Variants in ROBO1 observed in about 807,000 individuals in gnomAD.
ROBO1 encodes roundabout guidance receptor 1, also known as roundabout homolog 1.
A neutral mutation model predicts 195.9 loss-of-function variants in ROBO1; 149 were observed. The ratio of observed to expected loss-of-function variants is 0.76; its 90% confidence interval spans 0.67 to 0.87. The LOEUF is 0.87. Among genes scored for constraint, ROBO1 ranks in the 40% least tolerant of loss-of-function variants. The probability of loss-of-function intolerance (pLI) is 0.00; values close to 1 mark genes in which losing one functional copy is unlikely to be tolerated. For missense variants in ROBO1, 1,933 were observed against 2,068.3 expected (o/e 0.93, Z 1.27); for synonymous variants, 816 against 733.2 (o/e 1.11, Z -1.82).
At chr3:79,069,046 T>TTTAC (rs2079046612) in intron 3 of ROBO1, among the ~76,000 whole-genome samples, 2 of 151,982 alleles carry the variant, frequency 1.3e-5, no homozygotes, top group Admixed American at 1.3e-4. Flanking sequence ...AAGACCAATG[T>TTTAC]TTACTTTTTG....
intron 3 of ROBO1, among the ~76,000 whole-genome samples, chr3:78,995,525 T>C (rs989373489): frequency 6.6e-6 from 1 of 152,036 alleles, no homozygotes; most frequent in African/African-American, 2.4e-5. Context: ...ATCGGGAGCA[T>C]GTTGGGTAAT....
intron 3 of ROBO1, among the ~76,000 whole-genome samples, chr3:78,950,678 G>A (rs755231589): frequency 6.8e-5 from 10 of 147,584 alleles, no homozygotes; most frequent in Non-Finnish European, 7.4e-5. Flanking sequence ...TAAAATAAAT[G>A]TAATATTAAA....
chr3:79,184,272 C>T (rs1395453521), intron 2 of ROBO1, among the ~76,000 whole-genome samples: 1 of 152,150 alleles, frequency 6.6e-6, no homozygotes, highest in Non-Finnish European at 1.5e-5. Flanking sequence ...TTTGTTCCCT[C>T]AATCGGGCCT....
intron 3 of ROBO1, among the ~76,000 whole-genome samples, chr3:79,098,618 C>T (rs2079614770): frequency 6.6e-6 from 1 of 151,682 alleles, no homozygotes; most frequent in South Asian, 2.1e-4. Flanking sequence ...TGTAGCATGA[C>T]TATATATAAG....
chr3:79,745,814 A>G (rs1703849766), intron 1 of ROBO1, among the ~76,000 whole-genome samples: 1 of 152,114 alleles, frequency 6.6e-6, no homozygotes, highest in Non-Finnish European at 1.5e-5. Context: ...TATGTATACA[A>G]TTGGCTTAAG....
chr3:79,082,568 C>A (rs1005326954), intron 3 of ROBO1, among the ~76,000 whole-genome samples: 1 of 151,926 alleles, frequency 6.6e-6, no homozygotes, highest in Non-Finnish European at 1.5e-5. Flanking sequence ...ATAGAAGAGA[C>A]CAAATGTAGA....
chr3:78,725,389 T>C (rs931717399), intron 5 of ROBO1, among the ~76,000 whole-genome samples: 1 of 152,168 alleles, frequency 6.6e-6, no homozygotes, highest in African/African-American at 2.4e-5. Flanking sequence ...AAAAATGTTT[T>C]AGAGATGTCA....
At chr3:79,559,943 A>T (rs1197884635) in intron 2 of ROBO1, among the ~76,000 whole-genome samples, 1 of 152,122 alleles carries the variant, frequency 6.6e-6, no homozygotes, top group Non-Finnish European at 1.5e-5. Flanking sequence ...GATATTTTAC[A>T]TAAGTAACTT....
intron 1 of ROBO1, among the ~76,000 whole-genome samples, chr3:79,635,765 A>G (rs1365599226): frequency 1.3e-5 from 2 of 152,162 alleles, no homozygotes; most frequent in African/African-American, 4.8e-5. Context: ...AGAAGCATGA[A>G]GAAATGTAGG....
At chr3:78,898,457 G>A (rs1262727402) in intron 4 of ROBO1, among the ~76,000 whole-genome samples, 6 of 140,020 alleles carry the variant, frequency 4.3e-5, no homozygotes, top group African/African-American at 1.1e-4. Context: ...GCGTGATCTC[G>A]GCTCACTGCA....
chr3:78,617,517 A>C (rs992830723), intron 27 of ROBO1, 118 bp downstream of exon 27: 15 of 1,136,780 alleles, frequency 1.3e-5, no homozygotes, highest in African/African-American at 3.1e-5. Flanking sequence ...AAAAAAAAAA[A>C]AAAACTGTAA....
chr3:79,099,774 G>A (rs1344505999), intron 3 of ROBO1, among the ~76,000 whole-genome samples: 1 of 151,740 alleles, frequency 6.6e-6, no homozygotes, highest in African/African-American at 2.4e-5. Flanking sequence ...TGCCTTGTTT[G>A]TATATATGTC....
At chr3:78,649,065 CAG>C (rs1706481830) in intron 19 of ROBO1, among the ~76,000 whole-genome samples, 1 of 149,662 alleles carries the variant, frequency 6.7e-6, no homozygotes, top group Admixed American at 6.7e-5. Context: ...CAGGTCTTTT[CAG>C]AGAGTCAATG....
At chr3:79,039,588 G>T (rs2078444590) in intron 3 of ROBO1, among the ~76,000 whole-genome samples, 1 of 151,924 alleles carries the variant, frequency 6.6e-6, no homozygotes, top group Non-Finnish European at 1.5e-5. Flanking sequence ...ACGAGGTCAG[G>T]AGTTCAAGAC....
chr3:78,870,397 T>C (rs1414192200), intron 4 of ROBO1, among the ~76,000 whole-genome samples: 2 of 152,236 alleles, frequency 1.3e-5, no homozygotes, highest in Non-Finnish European at 2.9e-5. Context: ...GTGTTTTCCA[T>C]GTTTCCTCTT....
At chr3:78,726,532 TTAAG>T (rs1443187925) in intron 5 of ROBO1, among the ~76,000 whole-genome samples, 2 of 152,152 alleles carry the variant, frequency 1.3e-5, no homozygotes, top group African/African-American at 4.8e-5. Flanking sequence ...ATTTTGCAAA[TTAAG>T]TGAGATGAGA....
At chr3:79,235,790 C>T (rs996281127) in intron 2 of ROBO1, among the ~76,000 whole-genome samples, 2 of 151,742 alleles carry the variant, frequency 1.3e-5, no homozygotes, top group African/African-American at 4.8e-5. Flanking sequence ...TTCCAGAGAC[C>T]CATATTTAAT....
intron 1 of ROBO1, among the ~76,000 whole-genome samples, chr3:79,724,120 C>G (rs1428519221): frequency 6.6e-6 from 1 of 152,168 alleles, no homozygotes; most frequent in Non-Finnish European, 1.5e-5. Flanking sequence ...ACATTTGACG[C>G]TGTGTCTAAG....
intron 3 of ROBO1, among the ~76,000 whole-genome samples, chr3:79,040,751 G>C (rs971498639): frequency 6.6e-6 from 1 of 152,048 alleles, no homozygotes; most frequent in Non-Finnish European, 1.5e-5. Context: ...CATTCCAGTG[G>C]TTAACTACAA....
Sources: gnomAD v4.1 joint callset for allele counts (sites outside exome capture counted in the v4.1 genomes callset) on GRCh38, gnomAD v4.1.1 for gene constraint, MANE v1.5 for transcripts, NCBI Gene and HGNC (gene_info 2026-07-23, HGNC 2026-07-21) for gene names.